SOAT1: variants seen among roughly 807,000 people sequenced by gnomAD.
SOAT1 encodes the protein acyl-coenzyme A:cholesterol acyltransferase 1.
Under a neutral mutation model 69.5 loss-of-function variants are expected in SOAT1, and 55 were observed. The ratio of observed to expected loss-of-function variants is 0.79; its 90% CI spans 0.64 to 0.99. The LOEUF (loss-of-function observed/expected upper bound fraction) is 0.99, where lower values mean the gene tolerates loss of function less well. Among genes scored for constraint, SOAT1 ranks in the 50% least tolerant of loss-of-function variants. The pLI is 0.00. For synonymous variants in SOAT1, 231 were observed against 224.7 expected (o/e 1.03, Z -0.25); for missense variants, 580 against 669.3 (o/e 0.87, Z 1.47).
rs147250439 is a variant in SOAT1 at position 179,336,823 on chromosome 1, C to T, written c.330-1014C>T. ...CAGCCTGGCCAAGATGGTGAAACCCCGTCTCTACTAAAAATACAAAAATTA... is the reference window on the plus strand; with the variant it reads ...CAGCCTGGCCAAGATGGTGAAACCCTGTCTCTACTAAAAATACAAAAATTA... On this transcript the variant is annotated intron_variant, in intron 4 of 15. Coordinates refer to ENST00000367619, the MANE Select transcript of SOAT1 (RefSeq NM_003101.6). Among the ~76,000 whole-genome samples the T allele has an allele frequency of 6.1e-3, 931 of 152,094 alleles. 9 individuals are homozygous for T. The highest frequency in any genetic ancestry group is 0.02 in the African/African-American group (844 of 41,496).
chr1:179,315,449 A>G (rs970721848), intron 2 of SOAT1, among the ~76,000 whole-genome samples: 37 of 152,116 alleles, frequency 2.4e-4, no homozygotes, highest in Admixed American at 1.2e-3. Flanking sequence ...TAGCCTGAGC[A>G]ACAGAGTGAG....
At chr1:179,317,345 A>G (rs1411172510) in intron 2 of SOAT1, among the ~76,000 whole-genome samples, 1 of 152,108 alleles carries the variant, frequency 6.6e-6, no homozygotes, top group Non-Finnish European at 1.5e-5. Flanking sequence ...CATCCTGGCT[A>G]ACACAGTGAA....
At chr1:179,301,026 C>T (rs1242449729) in intron 1 of SOAT1, among the ~76,000 whole-genome samples, 2 of 152,072 alleles carry the variant, frequency 1.3e-5, no homozygotes, top group Non-Finnish European at 2.9e-5. Context: ...ACCCAGGAGG[C>T]GGAGGTTGCA....
At chr1:179,301,623 A>C (rs969463663) in intron 1 of SOAT1, among the ~76,000 whole-genome samples, 6 of 152,224 alleles carry the variant, frequency 3.9e-5, no homozygotes, top group South Asian at 4.1e-4. Flanking sequence ...GGTGGAGGAC[A>C]CTGATAGTAA....
rs778502192 is a variant in SOAT1, at chr1:179,345,083, T to C, written c.1117+7T>C. 4 of 1,613,220 alleles carry C rather than the reference T, an allele frequency of 2.5e-6. No individual in the cohort carries two copies. The highest frequency in any genetic ancestry group is 3.4e-6 in the Non-Finnish European group (4 of 1,179,378). ...TTTAACTCCATCTTGCCAGGTAACA[T>C]GGGTACTTGTTAATTTGGTCATGCA... On this transcript the variant is annotated splice_region_variant and intron_variant, in intron 11 of 15. Coordinates refer to ENST00000367619, the MANE Select transcript of SOAT1 (RefSeq NM_003101.6).
intron 3 of SOAT1, among the ~76,000 whole-genome samples, chr1:179,324,771 A>T (rs1266798623): frequency 7.3e-6 from 1 of 136,438 alleles, no homozygotes. Context: ...TAAGAAAATA[A>T]CAATATTTAA....
intron 10 of SOAT1, 120 bp from the exon 11 acceptor site, chr1:179,344,827 G>A: frequency 2.3e-6 from 2 of 876,922 alleles, no homozygotes; most frequent in African/African-American, 1.7e-5. Flanking sequence ...AGTGTTAAAT[G>A]GAATACATAT....
rs987552029 is a variant in SOAT1 at position 179,356,655 on chromosome 1, C to T, written c.*3014C>T. ...CAGGTGTGAGCCACGGCTCCTGGCT[C>T]CTTGCTCCAGAATCAGTTTTTTAAT... On this transcript the variant is annotated 3_prime_UTR_variant, in exon 16 of 16. Coordinates refer to ENST00000367619, the MANE Select transcript of SOAT1 (RefSeq NM_003101.6). The T allele has an allele frequency of 2.0e-5, 3 of 150,696 alleles. No individual in the cohort carries two copies. Among genetic ancestry groups the T allele is most frequent in the Non-Finnish European group, 4.4e-5 (3 of 67,700 alleles). The allele number at this position is 150,696 out of a possible 1,614,324, so 9.3% of individuals were successfully genotyped here.
chr1:179,300,260 TG>T (rs1201093963), intron 1 of SOAT1, among the ~76,000 whole-genome samples: 1 of 152,168 alleles, frequency 6.6e-6, no homozygotes, highest in Admixed American at 6.5e-5. Context: ...TTTTCTTCCC[TG>T]ATTTCCTCTA....
intron 12 of SOAT1, 87 bp from the exon 13 acceptor site, chr1:179,348,757 G>T: frequency 1.5e-6 from 1 of 674,152 alleles, no homozygotes; most frequent in South Asian, 1.9e-5. Context: ...GCTTTCGGGT[G>T]GGATGTGTGT....
intron 7 of SOAT1, among the ~76,000 whole-genome samples, chr1:179,341,536 C>CTTT (rs774077684): frequency 0.01 from 1,427 of 138,962 alleles, 36 homozygotes; most frequent in African/African-American, 0.031. Context: ...TTACGTTGAA[C>CTTT]TTTTTTTTTT....
chr1:179,342,995 G>A, intron 9 of SOAT1, 52 bp downstream of exon 9: 1 of 1,416,858 alleles, frequency 7.1e-7, no homozygotes. Flanking sequence ...TGTGGCATGA[G>A]TGAGGTGGGA....
chr1:179,352,948 A>G (rs1267691692), intron 15 of SOAT1, among the ~76,000 whole-genome samples: 1 of 151,298 alleles, frequency 6.6e-6, no homozygotes, highest in Non-Finnish European at 1.5e-5. Context: ...ATCTTCCATG[A>G]TGATTTTTCA....
At chr1:179,308,081 C>T (rs563040213) in intron 2 of SOAT1, among the ~76,000 whole-genome samples, 3 of 152,128 alleles carry the variant, frequency 2.0e-5, no homozygotes, top group Non-Finnish European at 2.9e-5. Context: ...TGAGCCACTG[C>T]GCCTGGCCTC....
intron 1 of SOAT1, among the ~76,000 whole-genome samples, chr1:179,302,463 G>A (rs924030199): frequency 2.0e-5 from 3 of 152,090 alleles, no homozygotes; most frequent in African/African-American, 7.2e-5. Flanking sequence ...TTTAAATGTG[G>A]CACTTCCTTG....
chr1:179,299,275 A>T (rs1664753715), intron 1 of SOAT1, among the ~76,000 whole-genome samples: 1 of 152,152 alleles, frequency 6.6e-6, no homozygotes, highest in Non-Finnish European at 1.5e-5. Flanking sequence ...TTGATTTGGG[A>T]CAAGTTAAAT....
intron 1 of SOAT1, among the ~76,000 whole-genome samples, chr1:179,295,940 C>T (rs6696464): frequency 0.51 from 72,129 of 142,392 alleles, 18,979 homozygotes; most frequent in East Asian, 0.84. Context: ...GCTGGGATTA[C>T]GGGCATGTGC....
chr1:179,321,800 T>C (rs1431072766), intron 2 of SOAT1, among the ~76,000 whole-genome samples: 1 of 152,258 alleles, frequency 6.6e-6, no homozygotes, highest in African/African-American at 2.4e-5. Context: ...TCAATTTTTT[T>C]TTGTTTTGAG....
chr1:179,354,363 A>T lies in SOAT1; in HGVS notation c.*722A>T, dbSNP rs1276171524. The T allele has an allele frequency of 1.3e-5, 2 of 152,744 alleles. No individual in the cohort carries two copies. Among genetic ancestry groups the T allele is most frequent in the Non-Finnish European group, 2.9e-5 (2 of 68,032 alleles). The allele number at this position is 152,744 out of a possible 1,614,324, so 9.5% of individuals were successfully genotyped here. A position where few individuals can be genotyped will look rare whatever the true frequency, so the allele number is the denominator to read the frequency against. On this transcript the variant is annotated 3_prime_UTR_variant, in exon 16 of 16. Transcript: ENST00000367619. ...AGAAGTAGGAAGGAAAAAATAAGAG[A>T]TAGCAGAGGAAAAAGAAAAACATTT... is the stretch of plus-strand genomic sequence containing the variant.
Sources: gnomAD v4.1 joint callset for allele counts (sites outside exome capture counted in the v4.1 genomes callset) on GRCh38, gnomAD v4.1.1 for gene constraint, MANE v1.5 for transcripts, NCBI Gene and HGNC (gene_info 2026-07-23, HGNC 2026-07-21) for gene names.